The following MSI2 variants were observed in gnomAD, a reference collection of about 807,000 sequenced individuals.
MSI2 encodes RNA-binding protein Musashi homolog 2.
Under a neutral mutation model 45.6 loss-of-function variants are expected in MSI2, and 17 were observed. The ratio of observed to expected loss-of-function variants is 0.37; its 90% CI spans 0.26 to 0.56. The LOEUF (loss-of-function observed/expected upper bound fraction) is 0.56, where lower values mean the gene tolerates loss of function less well. Among genes scored for constraint, MSI2 ranks in the 20% least tolerant of loss-of-function variants. MSI2 has a pLI of 0.77. For synonymous variants in MSI2, 156 were observed against 158.2 expected, an observed-to-expected ratio of 0.99 and a Z score of 0.11; for missense variants, 293 against 444.2, an observed-to-expected ratio of 0.66 and a Z score of 3.06.
At chr17:57,284,901 T>C (rs1156555250) in intron 5 of MSI2, among the ~76,000 whole-genome samples, 1 of 123,352 alleles carries the variant, frequency 8.1e-6, no homozygotes, top group African/African-American at 4.2e-5. Context: ...TAAAATGACC[T>C]TTTTTTTTTT....
chr17:57,455,295 C>G (rs1035276851), intron 6 of MSI2, among the ~76,000 whole-genome samples: 1 of 152,206 alleles, frequency 6.6e-6, no homozygotes, highest in African/African-American at 2.4e-5. Context: ...CCCTGCCCCC[C>G]AACTCACACA....
intron 7 of MSI2, among the ~76,000 whole-genome samples, chr17:57,541,285 C>T (rs532006204): frequency 4.6e-5 from 7 of 151,996 alleles, no homozygotes; most frequent in Non-Finnish European, 7.4e-5. Flanking sequence ...TGTCAGAATT[C>T]CCAACTCCAG....
At chr17:57,635,956 C>T (rs955815481) in intron 10 of MSI2, among the ~76,000 whole-genome samples, 2 of 152,198 alleles carry the variant, frequency 1.3e-5, no homozygotes, top group Admixed American at 6.5e-5. Flanking sequence ...GATGGTTCTT[C>T]GGCGCCAGGT....
At chr17:57,492,200 A>G (rs182915657) in intron 6 of MSI2, among the ~76,000 whole-genome samples, 152 of 152,370 alleles carry the variant, frequency 1.0e-3, no homozygotes, top group African/African-American at 3.6e-3. Context: ...TCAGGGGCTC[A>G]GTAATCGCCA....
intron 5 of MSI2, chr17:57,286,039 T>C (rs892441350): frequency 2.7e-6 from 4 of 1,471,732 alleles, no homozygotes; most frequent in Non-Finnish European, 2.7e-6. Flanking sequence ...GCTGTTCATA[T>C]TAGCTAGCCA....
intron 6 of MSI2, among the ~76,000 whole-genome samples, chr17:57,451,391 A>G (rs2085016378): frequency 6.6e-6 from 1 of 152,178 alleles, no homozygotes; most frequent in South Asian, 2.1e-4. Flanking sequence ...AGCAGATGTT[A>G]AGTGATGGTG....
the MSI2 span, among the ~76,000 whole-genome samples, chr17:57,691,243 A>ATCTATCTATCTATC: frequency 7.3e-6 from 1 of 136,916 alleles, no homozygotes; most frequent in African/African-American, 2.7e-5. Flanking sequence ...ATCTATCTAT[A>ATCTATCTATCTATC]TTGCCATACC....
At chr17:57,462,369 T>C (rs2085247918) in intron 6 of MSI2, among the ~76,000 whole-genome samples, 1 of 152,224 alleles carries the variant, frequency 6.6e-6, no homozygotes, top group South Asian at 2.1e-4. Flanking sequence ...AGGTGCCTCC[T>C]GGGCTGCCAG....
intron 5 of MSI2, among the ~76,000 whole-genome samples, chr17:57,297,917 C>A (rs1289377567): frequency 1.3e-5 from 2 of 152,224 alleles, no homozygotes; most frequent in Non-Finnish European, 2.9e-5. Context: ...ATCTTAGGCT[C>A]TGCTTACAGT....
chr17:57,292,283 C>T (rs964170837), intron 5 of MSI2, among the ~76,000 whole-genome samples: 7 of 152,154 alleles, frequency 4.6e-5, no homozygotes, highest in African/African-American at 1.2e-4. Flanking sequence ...GGAATCCTGG[C>T]GGCTTAGGAG....
rs555351900 is a variant in MSI2 at position 57,677,104 on chromosome 17, G to A, written c.*31+45G>A. The A allele has an allele frequency of 4.0e-5, 52 of 1,305,418 alleles. No homozygotes were observed. In the Middle Eastern group the frequency reaches 3.5e-3, roughly 88 times the overall value. 80.9% of individuals were successfully genotyped at this position (1,305,418 alleles called of 1,614,324 possible). ...GTGTCTCTGCCCTGCCGGTGTGTCC[G>A]TACATGTATGTCCACAGGTCATACA... On this transcript the variant is annotated intron_variant, in intron 13 of 13. Transcript: ENST00000284073.
intron 5 of MSI2, among the ~76,000 whole-genome samples, chr17:57,294,426 G>A (rs541359236): frequency 2.6e-5 from 4 of 152,236 alleles, no homozygotes; most frequent in East Asian, 1.9e-4. Context: ...TGAGTTTCAC[G>A]GGAGAAAAAG....
At chr17:57,274,019 T>C (rs1908638015) in intron 5 of MSI2, among the ~76,000 whole-genome samples, 1 of 152,190 alleles carries the variant, frequency 6.6e-6, no homozygotes, top group South Asian at 2.1e-4. Context: ...AGAGACCTGC[T>C]CCTGGGGCCT....
At chr17:57,359,632 G>A (rs1376102128) in intron 5 of MSI2, among the ~76,000 whole-genome samples, 1 of 152,190 alleles carries the variant, frequency 6.6e-6, no homozygotes, top group Non-Finnish European at 1.5e-5. Context: ...TCCAGTGGCT[G>A]AGGTCAAGTG....
the MSI2 span, among the ~76,000 whole-genome samples, chr17:57,700,344 A>G: frequency 6.6e-6 from 1 of 152,228 alleles, no homozygotes. Flanking sequence ...AACATAATTT[A>G]ATCTTTCTTT....
intron 5 of MSI2, among the ~76,000 whole-genome samples, chr17:57,275,573 C>T (rs1276356580): frequency 6.6e-6 from 1 of 152,162 alleles, no homozygotes; most frequent in African/African-American, 2.4e-5. Context: ...GCTGGGAAAG[C>T]CCCCAGACCC....
At chr17:57,465,526 G>A (rs968433321) in intron 6 of MSI2, among the ~76,000 whole-genome samples, 1 of 152,184 alleles carries the variant, frequency 6.6e-6, no homozygotes, top group African/African-American at 2.4e-5. Context: ...GTTGATCTTA[G>A]GGGTTGTGGA....
intron 6 of MSI2, among the ~76,000 whole-genome samples, chr17:57,512,578 T>C (rs979485978): frequency 6.6e-5 from 10 of 152,120 alleles, no homozygotes; most frequent in African/African-American, 2.4e-4. Context: ...GGCCGCAGAG[T>C]CTTAGTTAAG....
At chr17:57,438,166 G>C (rs778983495) in intron 6 of MSI2, among the ~76,000 whole-genome samples, 1 of 152,206 alleles carries the variant, frequency 6.6e-6, no homozygotes, top group Non-Finnish European at 1.5e-5. Flanking sequence ...TTTAGCCCGA[G>C]CTGGGGTGCC....
Sources: gnomAD v4.1 joint callset for allele counts (sites outside exome capture counted in the v4.1 genomes callset) on GRCh38, gnomAD v4.1.1 for gene constraint, MANE v1.5 for transcripts, NCBI Gene and HGNC (gene_info 2026-07-23, HGNC 2026-07-21) for gene names.